Variants in PARD3 observed in about 807,000 individuals in gnomAD.
PARD3 encodes the protein par-3 family cell polarity regulator.
Under a neutral mutation model 155.4 loss-of-function variants are expected in PARD3, and 75 were observed. The ratio of observed to expected loss-of-function variants is 0.48; its 90% CI spans 0.40 to 0.58. PARD3 has a LOEUF of 0.58. Among genes scored for constraint, PARD3 ranks in the 20% least tolerant of loss-of-function variants. The pLI is 0.00. For synonymous variants in PARD3, 576 were observed against 610.5 expected (o/e 0.94, Z 0.83); for missense variants, 1,642 against 1,721.7 (o/e 0.95, Z 0.82).
chr10:34,483,440 C>T (rs2079222321), intron 3 of PARD3, among the ~76,000 whole-genome samples: 1 of 147,382 alleles, frequency 6.8e-6, no homozygotes, highest in Non-Finnish European at 1.5e-5. Flanking sequence ...CCATTTCATG[C>T]CACTGCACTC....
rs142523622 is a variant in PARD3 at position 34,448,378 on chromosome 10, AGGGAGTT to A, written c.714+1932_714+1938del. The stretch of plus-strand genomic sequence containing the variant: ...AACAGAGTACGATGGCAGTTACCAC[AGGGAGTT>A]GGGTGTGGAAAAAGGAAAAATATTG... On this transcript the variant is annotated intron_variant, in intron 5 of 24. Coordinates refer to ENST00000374788, the MANE Select transcript of PARD3 (RefSeq NM_001184785.2). Among the ~76,000 whole-genome samples the A allele has an allele frequency of 3.9e-3, 593 of 152,244 alleles. 3 individuals are homozygous for A. Among genetic ancestry groups the A allele is most frequent in the African/African-American group, 0.013 (560 of 41,542 alleles).
At chr10:34,448,156 T>TGTGTGTGA (rs1388299625) in intron 5 of PARD3, among the ~76,000 whole-genome samples, 5 of 151,696 alleles carry the variant, frequency 3.3e-5, no homozygotes, top group African/African-American at 1.2e-4. Context: ...TGTGTGTGTG[T>TGTGTGTGA]GTGTGTGTAC....
chr10:34,125,784 T>C (rs1386620242), intron 23 of PARD3, among the ~76,000 whole-genome samples: 1 of 152,242 alleles, frequency 6.6e-6, no homozygotes, highest in Non-Finnish European at 1.5e-5. Flanking sequence ...ATTTTCTACC[T>C]GAAGGACTAA....
rs185148418 is a variant in PARD3 at position 34,386,217 on chromosome 10, T to C, written c.891-1963A>G. On this transcript the variant is annotated intron_variant, in intron 7 of 24. Coordinates refer to ENST00000374788, the MANE Select transcript of PARD3 (RefSeq NM_001184785.2). ...CGTTGAGAATCAGCACCTACTAGTG[T>C]ATGAGTCTAAAAATATTAGTGACTA... Among the ~76,000 whole-genome samples the C allele has an allele frequency of 9.2e-5, 14 of 152,276 alleles. No individual in the cohort carries two copies. In the East Asian group the frequency reaches 2.3e-3, roughly 25 times the overall value.
At chr10:34,364,421 T>C (rs1174080633) in intron 12 of PARD3, among the ~76,000 whole-genome samples, 5 of 151,876 alleles carry the variant, frequency 3.3e-5, no homozygotes, top group African/African-American at 7.2e-5. Flanking sequence ...TCTGCCCTTA[T>C]CTACAGAATT....
intron 1 of PARD3, among the ~76,000 whole-genome samples, chr10:34,790,322 A>G (rs1339928652): frequency 6.6e-6 from 1 of 152,226 alleles, no homozygotes; most frequent in Non-Finnish European, 1.5e-5. Flanking sequence ...CCAGGGAGGC[A>G]TGAACAGTAA....
intron 1 of PARD3, among the ~76,000 whole-genome samples, chr10:34,788,865 A>C (rs1260728498): frequency 6.6e-6 from 1 of 152,182 alleles, no homozygotes; most frequent in Non-Finnish European, 1.5e-5. Context: ...TCCTTGGCAG[A>C]GGCAGAGAGC....
At chr10:34,372,161 C>CA (rs1476216310) in intron 12 of PARD3, among the ~76,000 whole-genome samples, 1 of 151,884 alleles carries the variant, frequency 6.6e-6, no homozygotes, top group African/African-American at 2.4e-5. Context: ...CTTTTCTTTC[C>CA]ATTTTGTGGC....
At chr10:34,180,960 A>G (rs1254666288) in intron 22 of PARD3, among the ~76,000 whole-genome samples, 1 of 152,126 alleles carries the variant, frequency 6.6e-6, no homozygotes, top group Non-Finnish European at 1.5e-5. Context: ...GCAAAGCCCA[A>G]TATTTTTGGT....
chr10:34,312,654 G>A (rs1957766136), intron 20 of PARD3, among the ~76,000 whole-genome samples: 2 of 152,106 alleles, frequency 1.3e-5, no homozygotes, highest in South Asian at 4.1e-4. Context: ...GGGGACCCAG[G>A]TAATCATTTT....
intron 3 of PARD3, among the ~76,000 whole-genome samples, chr10:34,512,117 A>G (rs1418709565): frequency 6.6e-6 from 1 of 152,226 alleles, no homozygotes; most frequent in East Asian, 1.9e-4. Flanking sequence ...TAGATCCATT[A>G]TGTCATCAGA....
At chr10:34,372,968 T>G (rs943352575) in intron 11 of PARD3, among the ~76,000 whole-genome samples, 8 of 152,096 alleles carry the variant, frequency 5.3e-5, no homozygotes, top group African/African-American at 1.7e-4. Flanking sequence ...TACTTTAAAA[T>G]GTTGCACAGG....
chr10:34,167,731 C>G (rs1949601750), intron 22 of PARD3, among the ~76,000 whole-genome samples: 1 of 152,214 alleles, frequency 6.6e-6, no homozygotes, highest in South Asian at 2.1e-4. Flanking sequence ...ATTCTATCAA[C>G]TTCAGCCAGA....
At chr10:34,578,578 T>C (rs1347425712) in intron 2 of PARD3, among the ~76,000 whole-genome samples, 1 of 152,248 alleles carries the variant, frequency 6.6e-6, no homozygotes, top group Non-Finnish European at 1.5e-5. Flanking sequence ...CATTTTAACC[T>C]GACAACTCAG....
chr10:34,664,498 G>A (rs2093403058), intron 2 of PARD3, among the ~76,000 whole-genome samples: 1 of 150,898 alleles, frequency 6.6e-6, no homozygotes, highest in Admixed American at 6.6e-5. Flanking sequence ...ACTGCACCTG[G>A]CCTTTTTTGA....
At chr10:34,733,116 G>C (rs1228924447) in intron 1 of PARD3, among the ~76,000 whole-genome samples, 8 of 152,162 alleles carry the variant, frequency 5.3e-5, no homozygotes, top group Non-Finnish European at 7.3e-5. Flanking sequence ...TCTATCAATG[G>C]AAAACATAAA....
intron 2 of PARD3, among the ~76,000 whole-genome samples, chr10:34,627,675 A>C (rs186265442): frequency 1.7e-3 from 264 of 152,168 alleles, no homozygotes; most frequent in African/African-American, 5.8e-3. Flanking sequence ...TCTTCTCTAG[A>C]GCCTTTGGGG....
chr10:34,263,995 A>G (rs755805165), intron 22 of PARD3, among the ~76,000 whole-genome samples: 28 of 152,212 alleles, frequency 1.8e-4, no homozygotes, highest in Non-Finnish European at 2.9e-4. Context: ...TCAAAAGACA[A>G]TGATTCCCTT....
intron 15 of PARD3, among the ~76,000 whole-genome samples, chr10:34,346,918 T>C (rs373550019): frequency 6.6e-6 from 1 of 152,256 alleles, no homozygotes; most frequent in African/African-American, 2.4e-5. Flanking sequence ...TTTTTGATCA[T>C]GCCCAGTAGA....
Sources: gnomAD v4.1 joint callset for allele counts (sites outside exome capture counted in the v4.1 genomes callset) on GRCh38, gnomAD v4.1.1 for gene constraint, MANE v1.5 for transcripts, NCBI Gene and HGNC (gene_info 2026-07-23, HGNC 2026-07-21) for gene names.